The following MAML3 variants were observed in gnomAD, a reference collection of about 807,000 sequenced individuals.
MAML3 encodes mastermind-like protein 3.
A neutral mutation model predicts 101.9 loss-of-function variants in MAML3; 27 were observed. The ratio of observed to expected loss-of-function variants is 0.27; its 90% CI spans 0.20 to 0.37. The LOEUF is 0.37. MAML3 is among the 10% of genes least tolerant of loss of function. MAML3 has a pLI of 1.00. For missense variants in MAML3, 1,316 were observed against 1,444.9 expected (o/e 0.91, Z 1.45); for synonymous variants, 501 against 555.9 (o/e 0.90, Z 1.39).
At chr4:140,143,433 T>A (rs1301811178) in intron 1 of MAML3, among the ~76,000 whole-genome samples, 1 of 152,216 alleles carries the variant, frequency 6.6e-6, no homozygotes, top group East Asian at 1.9e-4. Flanking sequence ...CTTTTACGTA[T>A]ACTAACTCAT....
At chr4:140,125,517 C>T (rs547996548) in intron 1 of MAML3, among the ~76,000 whole-genome samples, 2 of 152,316 alleles carry the variant, frequency 1.3e-5, no homozygotes, top group Admixed American at 6.5e-5. Flanking sequence ...TTGTCCTTTG[C>T]AAGAATCCAG....
intron 1 of MAML3, among the ~76,000 whole-genome samples, chr4:140,062,434 A>T (rs1263629157): frequency 6.6e-6 from 1 of 152,156 alleles, no homozygotes; most frequent in Non-Finnish European, 1.5e-5. Flanking sequence ...GGGCAGGGCC[A>T]CGCTATCTAT....
intron 1 of MAML3, among the ~76,000 whole-genome samples, chr4:140,057,084 G>A (rs2110931318): frequency 6.6e-6 from 1 of 152,262 alleles, no homozygotes; most frequent in African/African-American, 2.4e-5. Flanking sequence ...TGCCCAGCCT[G>A]GGCAATGAAG....
At chr4:139,776,895 A>G (rs954136157) in intron 2 of MAML3, among the ~76,000 whole-genome samples, 2 of 152,230 alleles carry the variant, frequency 1.3e-5, no homozygotes, top group Non-Finnish European at 2.9e-5. Context: ...TAAAAAACTT[A>G]TAGGGGCACA....
intron 1 of MAML3, among the ~76,000 whole-genome samples, chr4:139,937,883 A>G (rs1297613558): frequency 6.6e-6 from 1 of 152,164 alleles, no homozygotes; most frequent in Admixed American, 6.5e-5. Flanking sequence ...TCCTGCCTAC[A>G]TGCAATTTTC....
intron 1 of MAML3, among the ~76,000 whole-genome samples, chr4:139,978,898 C>T (rs1409519293): frequency 6.6e-6 from 1 of 152,038 alleles, no homozygotes; most frequent in Non-Finnish European, 1.5e-5. Flanking sequence ...GAAACAAGTA[C>T]ACATCCTCCT....
intron 2 of MAML3, among the ~76,000 whole-genome samples, chr4:139,771,884 TG>T (rs1729988492): frequency 6.6e-6 from 1 of 151,400 alleles, no homozygotes; most frequent in Non-Finnish European, 1.5e-5. Flanking sequence ...CACTGAAGTT[TG>T]GGAATCATTG....
chr4:139,911,493 C>T (rs1190553522), intron 1 of MAML3, among the ~76,000 whole-genome samples: 1 of 152,224 alleles, frequency 6.6e-6, no homozygotes, highest in Non-Finnish European at 1.5e-5. Flanking sequence ...GCTGGAATTA[C>T]AGGCGTGAGC....
At chr4:140,095,041 C>T (rs997632439) in intron 1 of MAML3, among the ~76,000 whole-genome samples, 4 of 152,204 alleles carry the variant, frequency 2.6e-5, no homozygotes, top group African/African-American at 9.6e-5. Flanking sequence ...AGAGGTGCCT[C>T]TCCGCAGCCA....
intron 1 of MAML3, among the ~76,000 whole-genome samples, chr4:139,968,322 A>AAAAAG (rs1734176136): frequency 6.6e-6 from 1 of 151,724 alleles, no homozygotes; most frequent in African/African-American, 2.4e-5. Context: ...AAAAAAAAAA[A>AAAAAG]AAAAGAAAAA....
chr4:139,889,540 G>A lies in MAML3; in HGVS notation c.1896C>T (p.Ile632=), dbSNP rs749665555. ...GTTGCTGCTGCTGTTGCTGCTGCTG[G>A]ATATACGGCATCAAGGGGTTTTTGT... ...NPNKNPLMPY[I]QQQQQQQQQQ... Residue 632 remains isoleucine (I), a synonymous_variant, in exon 2 of 5, where the codon ATC becomes ATT. Transcript: ENST00000509479. 10 of 1,613,104 alleles carry A rather than the reference G, an allele frequency of 6.2e-6. No homozygotes were observed. Among genetic ancestry groups the A allele is most frequent in the Non-Finnish European group, 8.5e-6 (10 of 1,179,714 alleles).
chr4:140,065,995 C>G (rs1275284210), intron 1 of MAML3, among the ~76,000 whole-genome samples: 1 of 152,210 alleles, frequency 6.6e-6, no homozygotes, highest in East Asian at 1.9e-4. Context: ...AGAGCTTACA[C>G]AGACCTCTGA....
chr4:139,923,551 G>A (rs1455706522), intron 1 of MAML3, among the ~76,000 whole-genome samples: 3 of 152,000 alleles, frequency 2.0e-5, no homozygotes, highest in Admixed American at 6.6e-5. Flanking sequence ...TGCCTTGCTC[G>A]TCTTGTATAT....
intron 1 of MAML3, among the ~76,000 whole-genome samples, chr4:140,103,500 G>A (rs745585688): frequency 6.6e-6 from 1 of 152,196 alleles, no homozygotes; most frequent in Non-Finnish European, 1.5e-5. Context: ...TGTTGTTTAT[G>A]TGTGTGTTTG....
chr4:139,990,261 A>G (rs1315587231), intron 1 of MAML3, among the ~76,000 whole-genome samples: 2 of 152,366 alleles, frequency 1.3e-5, no homozygotes, highest in South Asian at 4.1e-4. Flanking sequence ...CAAATCAATA[A>G]ATGTAATTCA....
At chr4:139,849,666 C>T (rs796321997) in intron 2 of MAML3, among the ~76,000 whole-genome samples, 1 of 152,170 alleles carries the variant, frequency 6.6e-6, no homozygotes, top group Non-Finnish European at 1.5e-5. Context: ...CAATATTGCA[C>T]GTGATGGCAA....
At chr4:139,973,465 C>T (rs1051700218) in intron 1 of MAML3, among the ~76,000 whole-genome samples, 1 of 152,110 alleles carries the variant, frequency 6.6e-6, no homozygotes, top group Non-Finnish European at 1.5e-5. Context: ...GGCGGGTCTA[C>T]GTCGTAAAGG....
chr4:139,917,790 G>A (rs988672915), intron 1 of MAML3, among the ~76,000 whole-genome samples: 2 of 152,106 alleles, frequency 1.3e-5, no homozygotes, highest in Non-Finnish European at 2.9e-5. Context: ...ATTTGCAAAG[G>A]GGATTCTTTA....
At chr4:139,930,256 TGAA>T (rs1351907853) in intron 1 of MAML3, among the ~76,000 whole-genome samples, 4 of 152,106 alleles carry the variant, frequency 2.6e-5, no homozygotes, top group Admixed American at 2.6e-4. Flanking sequence ...AGAACCACAT[TGAA>T]GAAGAGGTTC....
Sources: allele counts gnomAD v4.1 joint callset (sites outside exome capture counted in the v4.1 genomes callset), GRCh38; gene constraint gnomAD v4.1.1; transcripts MANE v1.5; gene names NCBI Gene and HGNC (gene_info 2026-07-23, HGNC 2026-07-21).